The following KCTD20 variants were observed in gnomAD, a reference collection of about 807,000 sequenced individuals.
KCTD20 encodes potassium channel tetramerization domain containing 20, also known as BTB/POZ domain-containing protein KCTD20.
A neutral mutation model predicts 39.6 loss-of-function variants in KCTD20; 30 were observed. The observed-to-expected ratio is 0.76, with a 90% CI of 0.57 to 1.03. KCTD20 has a LOEUF of 1.03. Among genes scored for constraint, KCTD20 ranks in the 50% least tolerant of loss-of-function variants. The pLI is 0.00. For synonymous variants in KCTD20, 162 were observed against 180.6 expected (o/e 0.90, Z 0.83); for missense variants, 422 against 522.0 (o/e 0.81, Z 1.87).
chr6:36,456,168 G>A (rs1775426758), intron 1 of KCTD20, among the ~76,000 whole-genome samples: 2 of 152,154 alleles, frequency 1.3e-5, no homozygotes, highest in African/African-American at 4.8e-5. Context: ...TCTAGAAAAT[G>A]TTCTGAGGCC....
In KCTD20 at chr6:36,481,728, C is replaced by G; in HGVS notation, c.825C>G (p.His275Gln). ...DEDSVDWDED[H>Q]PPPMGEEYSQ... ...ATTCTGTGGACTGGGATGAAGACCA[C>G]CCTCCACCAATGGGGGAGGAATATT... Residue 275 changes from histidine (H) to glutamine (Q), a missense_variant, in exon 6 of 8, where the codon CAC becomes CAG. Physicochemically the swap from His to Gln is conservative, Grantham distance 24. Coordinates refer to ENST00000373731, the MANE Select transcript of KCTD20 (RefSeq NM_173562.5). 1 of 1,614,190 alleles carries G rather than the reference C, an allele frequency of 6.2e-7. No individual in the cohort carries two copies. The highest frequency in any genetic ancestry group is 8.5e-7 in the Non-Finnish European group (1 of 1,180,028).
chr6:36,462,423 TGAAAA>T (rs1775627341), intron 1 of KCTD20, among the ~76,000 whole-genome samples: 1 of 152,178 alleles, frequency 6.6e-6, no homozygotes, highest in Admixed American at 6.6e-5. Flanking sequence ...ATCTATGAAA[TGAAAA>T]GACTATACTG....
At chr6:36,453,627 G>A (rs1431442102) in intron 1 of KCTD20, among the ~76,000 whole-genome samples, 4 of 150,816 alleles carry the variant, frequency 2.7e-5, no homozygotes, top group Non-Finnish European at 5.9e-5. Context: ...CGATTCTCCT[G>A]CCTCAGCCTC....
intron 1 of KCTD20, among the ~76,000 whole-genome samples, chr6:36,457,269 T>C (rs749566921): frequency 9.9e-5 from 15 of 152,224 alleles, no homozygotes; most frequent in Admixed American, 2.0e-4. Context: ...ATTTAATCCT[T>C]TAAATCACTT....
intron 3 of KCTD20, among the ~76,000 whole-genome samples, chr6:36,477,540 G>A (rs1776103395): frequency 1.4e-5 from 2 of 146,216 alleles, no homozygotes; most frequent in Non-Finnish European, 1.5e-5. Context: ...GAGTGCAGTC[G>A]CGCGATCTCA....
chr6:36,483,263 C>CTTTTT (rs766717414), intron 6 of KCTD20, among the ~76,000 whole-genome samples: 45 of 76,720 alleles, frequency 5.9e-4, no homozygotes, highest in Admixed American at 1.9e-3. Flanking sequence ...GTGGCTTTTT[C>CTTTTT]TTTTTTTTTT....
chr6:36,451,883 T>C (rs1409591575), intron 1 of KCTD20, among the ~76,000 whole-genome samples: 2 of 152,228 alleles, frequency 1.3e-5, no homozygotes, highest in East Asian at 3.8e-4. Context: ...CAGTCTCAGC[T>C]CACTGCAACC....
intron 1 of KCTD20, among the ~76,000 whole-genome samples, chr6:36,466,384 C>CT (rs397745312): frequency 0.3 from 42,258 of 138,630 alleles, 6,788 homozygotes; most frequent in African/African-American, 0.4. Context: ...CTTTTTTTCT[C>CT]TTTTTTTTTT....
chr6:36,467,322 T>A (rs1355453227), intron 1 of KCTD20, among the ~76,000 whole-genome samples: 3 of 1,612 alleles, frequency 1.9e-3, no homozygotes, highest in Non-Finnish European at 5.7e-3. Context: ...TTCAGGATTT[T>A]TTTTTTTTTT....
chr6:36,478,682 T>C (rs1561956857), intron 3 of KCTD20, among the ~76,000 whole-genome samples: 2 of 152,052 alleles, frequency 1.3e-5, no homozygotes, highest in South Asian at 4.2e-4. Context: ...AGGTCAGTAT[T>C]GACAGATGAG....
chr6:36,471,935 G>A (rs1775922506), intron 2 of KCTD20, among the ~76,000 whole-genome samples: 1 of 150,362 alleles, frequency 6.7e-6, no homozygotes, highest in East Asian at 1.9e-4. Context: ...TGCAAGCTCC[G>A]CCTCCCGGGT....
chr6:36,444,761 C>A (rs1232314221), intron 1 of KCTD20, among the ~76,000 whole-genome samples: 2 of 152,210 alleles, frequency 1.3e-5, no homozygotes, highest in African/African-American at 4.8e-5. Flanking sequence ...ACACATATTT[C>A]TGGCACAGAG....
chr6:36,467,341 T>C (rs1381882477), intron 1 of KCTD20, among the ~76,000 whole-genome samples: 1 of 73,414 alleles, frequency 1.4e-5, no homozygotes, highest in Non-Finnish European at 2.8e-5. Context: ...TTTTTTTTTT[T>C]TTTTTTTTTT....
chr6:36,457,319 G>GAA (rs1775467590), intron 1 of KCTD20, among the ~76,000 whole-genome samples: 4 of 152,158 alleles, frequency 2.6e-5, no homozygotes, highest in Admixed American at 2.6e-4. Flanking sequence ...ACTTGCCTCG[G>GAA]TCATATTGTG....
At chr6:36,460,294 T>A (rs1012621702) in intron 1 of KCTD20, among the ~76,000 whole-genome samples, 1 of 149,982 alleles carries the variant, frequency 6.7e-6, no homozygotes, top group African/African-American at 2.5e-5. Context: ...TTGAAAGAAG[T>A]TACAGCAGAA....
intron 3 of KCTD20, among the ~76,000 whole-genome samples, chr6:36,478,521 C>A (rs1168097591): frequency 1.3e-5 from 2 of 152,130 alleles, no homozygotes; most frequent in South Asian, 2.1e-4. Flanking sequence ...AAAATCCCAT[C>A]ATTAATTATT....
At chr6:36,477,776 A>G (rs1776111911) in intron 3 of KCTD20, among the ~76,000 whole-genome samples, 1 of 137,002 alleles carries the variant, frequency 7.3e-6, no homozygotes, top group South Asian at 2.6e-4. Context: ...GAGCCACCAC[A>G]CCCGGCCGAA....
intron 3 of KCTD20, among the ~76,000 whole-genome samples, chr6:36,477,676 A>G (rs1349160296): frequency 6.7e-6 from 1 of 150,220 alleles, no homozygotes; most frequent in South Asian, 2.1e-4. Flanking sequence ...TAGTAGAGAC[A>G]GGGTTTCACC....
chr6:36,450,202 T>C (rs1285287730), intron 1 of KCTD20, among the ~76,000 whole-genome samples: 4 of 142,032 alleles, frequency 2.8e-5, no homozygotes, highest in Admixed American at 7.2e-5. Flanking sequence ...AAGTTATGTA[T>C]TGGGGCCGGG....
Sources: allele counts gnomAD v4.1 joint callset (sites outside exome capture counted in the v4.1 genomes callset), GRCh38; gene constraint gnomAD v4.1.1; transcripts MANE v1.5; gene names NCBI Gene and HGNC (gene_info 2026-07-23, HGNC 2026-07-21).